The following TNS3 variants were observed in gnomAD, a reference collection of about 807,000 sequenced individuals.
The protein encoded by TNS3 is tensin-3.
TNS3 carries 45 observed loss-of-function variants against 140.9 expected under a neutral mutation model. That is an observed-to-expected ratio of 0.32 (90% CI 0.25 to 0.41). TNS3 has a LOEUF of 0.41. Ranked by LOEUF, TNS3 falls within the 10% of genes least tolerant of loss-of-function variation. TNS3 has a pLI of 1.00. For synonymous variants in TNS3, 815 were observed against 788.4 expected, an observed-to-expected ratio of 1.03 and a Z score of -0.56; for missense variants, 1,716 against 1,906.7, an observed-to-expected ratio of 0.90 and a Z score of 1.86.
chr7:47,547,688 G>T (rs773612736), intron 1 of TNS3, among the ~76,000 whole-genome samples: 1 of 152,090 alleles, frequency 6.6e-6, no homozygotes, highest in Non-Finnish European at 1.5e-5. Flanking sequence ...ATGGCCCCAC[G>T]TCTACGCCGC....
At position 47,344,777 on chromosome 7, in the gene TNS3, G is replaced by A. The variant is rs1212539305; in HGVS notation, c.2628C>T (p.Ala876=). The A allele has an allele frequency of 1.2e-6, 2 of 1,612,884 alleles. No homozygotes were observed. The highest frequency in any genetic ancestry group is 2.7e-5 in the African/African-American group (2 of 74,928). The change falls in exon 20 of 31, where the codon GCC becomes GCT. Residue 876 remains alanine (A), a synonymous_variant. Coordinates refer to ENST00000311160, the MANE Select transcript of TNS3 (RefSeq NM_022748.12). ...SPPEPPLSSP[A]SQHKGGREPR... is the part of the protein sequence containing the mutation. Reference sequence around the variant, plus strand: ...TACCACGTCCTCCTTTGTGCTGACTGGCTGGGCTGCTCAGCGGGGGCTCAG... The same window carrying A: ...TACCACGTCCTCCTTTGTGCTGACTAGCTGGGCTGCTCAGCGGGGGCTCAG...
chr7:47,338,714 T>A (rs1319534358), intron 20 of TNS3, among the ~76,000 whole-genome samples: 1 of 152,234 alleles, frequency 6.6e-6, no homozygotes, highest in East Asian at 1.9e-4. Flanking sequence ...GGTGTATATG[T>A]CCCACATTTT....
intron 20 of TNS3, among the ~76,000 whole-genome samples, chr7:47,332,194 A>T (rs1788379328): frequency 6.6e-6 from 1 of 152,232 alleles, no homozygotes; most frequent in African/African-American, 2.4e-5. Context: ...CTTGACGCCC[A>T]GTGCTCTTGG....
chr7:47,399,022 C>T (rs924522839), intron 15 of TNS3, among the ~76,000 whole-genome samples: 3 of 142,438 alleles, frequency 2.1e-5, no homozygotes, highest in Non-Finnish European at 4.5e-5. Flanking sequence ...CACTGCTGTA[C>T]ACCAACAATG....
At chr7:47,349,077 G>C (rs1789512425) in intron 17 of TNS3, among the ~76,000 whole-genome samples, 1 of 152,238 alleles carries the variant, frequency 6.6e-6, no homozygotes, top group Admixed American at 6.5e-5. Context: ...AGGAGGCTCT[G>C]AAACACAGGC....
intron 7 of TNS3, 33 bp from the exon 8 acceptor site, chr7:47,435,437 C>T (rs1172058306): frequency 1.2e-6 from 2 of 1,609,986 alleles, no homozygotes; most frequent in Admixed American, 1.7e-5. Flanking sequence ...CCTCGGTTTC[C>T]ATTTCCTAAA....
At chr7:47,281,892 G>C in intron 28 of TNS3, among the ~76,000 whole-genome samples, 1 of 151,296 alleles carries the variant, frequency 6.6e-6, no homozygotes, top group East Asian at 2.0e-4. Flanking sequence ...TATGCCTCCA[G>C]ACCCTGAGTC....
At chr7:47,410,007 A>T (rs1056232498) in intron 13 of TNS3, among the ~76,000 whole-genome samples, 6 of 152,102 alleles carry the variant, frequency 3.9e-5, no homozygotes, top group African/African-American at 1.4e-4. Flanking sequence ...GAGTGGGTGG[A>T]GGAGTAAAGT....
rs768655217 is a variant in TNS3, at chr7:47,439,533, T to C, written c.104A>G (p.Gln35Arg). 6 of 1,613,912 alleles carry C rather than the reference T, an allele frequency of 3.7e-6. No homozygotes were observed. Among genetic ancestry groups the C allele is most frequent in the Non-Finnish European group, 5.1e-6 (6 of 1,179,972 alleles). The change falls in exon 6 of 31, where the codon CAG (glutamine) becomes CGG (arginine). Residue 35 changes from glutamine (Q) to arginine (R), a missense_variant. Physicochemically the swap from Gln to Arg is conservative, Grantham distance 43. Coordinates refer to ENST00000311160, the MANE Select transcript of TNS3 (RefSeq NM_022748.12). ...GGACTTGAGCATGCGCGTGACCTCC[T>C]GTAGGTTGTGCAGGTAGGACTCCTC... is the stretch of plus-strand genomic sequence containing the variant. ...CSEESYLHNLQEVTRMLKSKH... is the reference protein window; with the variant it reads ...CSEESYLHNLREVTRMLKSKH...
intron 4 of TNS3, chr7:47,470,688 G>C: frequency 1.0e-5 from 10 of 981,876 alleles, no homozygotes; most frequent in Non-Finnish European, 1.1e-5. Flanking sequence ...TCCAGTGTCT[G>C]TGAGCCACAC....
intron 8 of TNS3, among the ~76,000 whole-genome samples, chr7:47,434,742 A>G (rs1208903646): frequency 6.6e-6 from 1 of 152,130 alleles, no homozygotes; most frequent in Non-Finnish European, 1.5e-5. Context: ...GCATCCACCA[A>G]CCCTGCTGGG....
At chr7:47,517,825 T>C (rs1798830161) in intron 2 of TNS3, among the ~76,000 whole-genome samples, 1 of 152,090 alleles carries the variant, frequency 6.6e-6, no homozygotes, top group Non-Finnish European at 1.5e-5. Context: ...CAGTCATTTC[T>C]GTATCGGGGG....
intron 11 of TNS3, among the ~76,000 whole-genome samples, chr7:47,414,780 T>G (rs1793983369): frequency 6.6e-6 from 1 of 152,196 alleles, no homozygotes; most frequent in African/African-American, 2.4e-5. Context: ...CAAGGCCAAC[T>G]GCACAGCTGA....
At position 47,529,132 on chromosome 7, in the gene TNS3, A is replaced by G. The variant is rs1261171342; in HGVS notation, c.-249T>C. The stretch of plus-strand genomic sequence containing the variant: ...TTGTTCTTAAAAGCGTGCAGACTCG[A>G]GGTTAATTCTTCCGGCTGAAAAAGT... On this transcript the variant is annotated 5_prime_UTR_variant, in exon 2 of 31. Transcript: ENST00000311160. 7 of 1,279,866 alleles carry G rather than the reference A, an allele frequency of 5.5e-6. No homozygotes were observed. The highest frequency in any genetic ancestry group is 7.1e-6 in the Non-Finnish European group (7 of 985,424). 79.3% of individuals were successfully genotyped at this position (1,279,866 alleles called of 1,614,324 possible).
intron 20 of TNS3, among the ~76,000 whole-genome samples, chr7:47,323,732 G>A (rs1370311023): frequency 1.3e-5 from 2 of 152,120 alleles, no homozygotes; most frequent in African/African-American, 4.8e-5. Context: ...TCTATGCTAC[G>A]CTCCAAGTGA....
intron 20 of TNS3, among the ~76,000 whole-genome samples, chr7:47,309,398 CAA>C (rs962763711): frequency 1.4e-5 from 2 of 145,226 alleles, no homozygotes; most frequent in African/African-American, 5.0e-5. Context: ...TGAAAAAGAG[CAA>C]AAAAAAAATA....
chr7:47,313,787 C>T lies in TNS3; in HGVS notation c.2651-8784G>A, dbSNP rs540262721. Reference sequence around the variant, plus strand: ...GAAGAGGCTGAAGGAAAATAAAATCCACTTTGTTCCTGTTATCACAGTGCT... The same window carrying T: ...GAAGAGGCTGAAGGAAAATAAAATCTACTTTGTTCCTGTTATCACAGTGCT... On this transcript the variant is annotated intron_variant, in intron 20 of 30. Transcript: ENST00000311160. 5.9e-5 allele frequency among the ~76,000 whole-genome samples: 9 copies of T among 152,276 alleles called. No individual in the cohort carries two copies. The South Asian group carries it at 1.7e-3, about 28-fold the overall frequency.
At chr7:47,507,307 A>G (rs1408520055) in intron 2 of TNS3, among the ~76,000 whole-genome samples, 2 of 152,206 alleles carry the variant, frequency 1.3e-5, no homozygotes, top group Non-Finnish European at 2.9e-5. Context: ...AAGAATAGTG[A>G]ATTTCAGCAG....
Position 47,389,109 on chromosome 7 carries a change from C to CAGAAGAAGAAGAAGA in TNS3, c.1024+7676_1024+7690dup, listed in dbSNP as rs140799405. Among the ~76,000 whole-genome samples, 14 of 59,132 alleles carry CAGAAGAAGAAGAAGA rather than the reference C, an allele frequency of 2.4e-4. 2 individuals carry two copies. Among genetic ancestry groups the CAGAAGAAGAAGAAGA allele is most frequent in the African/African-American group, 6.8e-4 (10 of 14,768 alleles). 38.8% of individuals were successfully genotyped at this position (59,132 alleles called of 152,430 possible). On this transcript the variant is annotated intron_variant, in intron 16 of 30. Transcript: ENST00000311160. ...GAGGAAGAGGAAGAGGAAGCGGAAG[C>CAGAAGAAGAAGAAGA]AGAAGAAGAAGAAGAAGAAGAAGAA...
Sources: gnomAD v4.1 joint callset for allele counts (sites outside exome capture counted in the v4.1 genomes callset) on GRCh38, gnomAD v4.1.1 for gene constraint, MANE v1.5 for transcripts, NCBI Gene and HGNC (gene_info 2026-07-23, HGNC 2026-07-21) for gene names.